Variants in DDX23 observed in about 807,000 individuals in gnomAD.
DDX23 encodes the protein probable ATP-dependent RNA helicase DDX23.
Under a neutral mutation model 102.7 loss-of-function variants are expected in DDX23, and 33 were observed. The observed-to-expected ratio is 0.32, with a 90% confidence interval of 0.24 to 0.43. The LOEUF (loss-of-function observed/expected upper bound fraction) is 0.43, where lower values mean the gene tolerates loss of function less well. Among genes scored for constraint, DDX23 ranks in the 20% least tolerant of loss-of-function variants. The probability of loss-of-function intolerance (pLI) is 1.00; values close to 1 mark genes in which losing one functional copy is unlikely to be tolerated. For missense variants in DDX23, 549 were observed against 1,086.6 expected (o/e 0.51, Z 6.96); for synonymous variants, 352 against 376.0 (o/e 0.94, Z 0.74).
chr12:48,831,455 T>C lies in DDX23; in HGVS notation c.2065-139A>G, dbSNP rs577358066. On this transcript the variant is annotated intron_variant, in intron 15 of 16. Coordinates refer to ENST00000308025, the MANE Select transcript of DDX23 (RefSeq NM_004818.3). ...GAAAGGAAAGGAAACAAGAGAATGA[T>C]TGCAGTGAAAGAAGGAGAGAACAAG... The C allele has an allele frequency of 3.7e-4, 303 of 825,178 alleles. 1 individual carries two copies. In the East Asian group the frequency reaches 3.9e-3, roughly 11 times the overall value. 51.1% of individuals were successfully genotyped at this position (825,178 alleles called of 1,614,324 possible).
rs142298205 is a variant in DDX23, at chr12:48,845,266, C to T, written c.209+308G>A. 3.7e-3 allele frequency among the ~76,000 whole-genome samples: 568 copies of T among 151,740 alleles called. 1 individual carries two copies. Among genetic ancestry groups the T allele is most frequent in the Middle Eastern group, 0.01 (3 of 292 alleles). On this transcript the variant is annotated intron_variant, in intron 2 of 16. Transcript: ENST00000308025. The stretch of plus-strand genomic sequence containing the variant: ...GAGATCGAGACCATCCTGGCTAACA[C>T]GGTGAAACCTCATCTCTACTAAAAA...
chr12:48,844,013 G>C lies in DDX23; in HGVS notation c.247C>G (p.Arg83Gly). 6.2e-7 allele frequency: 1 copy of C among 1,613,910 alleles called. No homozygotes were observed. The highest frequency in any genetic ancestry group is 1.1e-5 in the South Asian group (1 of 91,060). Residue 83 changes from arginine (R) to glycine (G), a missense_variant, in exon 3 of 17, where the codon CGG becomes GGG. Physicochemically the swap from Arg to Gly is moderately radical, Grantham distance 125. This residue lies in a region of DDX23 where 241 missense variants were observed against 267.0 expected (regional missense o/e 0.90). Coordinates refer to ENST00000308025, the MANE Select transcript of DDX23 (RefSeq NM_004818.3). ...RHKERERDKE[R>G]DRNKKDRDRD... ...TCTCGGTCCTTCTTATTCCGATCCC[G>C]CTCCTTATCTCGTTCTCGTTCTTTG...
At chr12:48,848,478 A>G (rs1408414660) in intron 1 of DDX23, among the ~76,000 whole-genome samples, 4 of 152,216 alleles carry the variant, frequency 2.6e-5, no homozygotes, top group African/African-American at 9.6e-5. Flanking sequence ...GTTGACATTT[A>G]AGCTGAGACT....
chr12:48,832,904 C>T lies in DDX23; in HGVS notation c.1804-331G>A. 1 of 451,992 alleles carries T rather than the reference C, an allele frequency of 2.2e-6. No individual in the cohort carries two copies. The highest frequency in any genetic ancestry group is 4.0e-6 in the Non-Finnish European group (1 of 250,732). 28.0% of individuals were successfully genotyped at this position (451,992 alleles called of 1,614,324 possible). A position where few individuals can be genotyped will look rare whatever the true frequency, so the allele number is the denominator to read the frequency against. On this transcript the variant is annotated intron_variant, in intron 13 of 16. Coordinates refer to ENST00000308025, the MANE Select transcript of DDX23 (RefSeq NM_004818.3). This position sits in a 1 kb window ranked among gnomAD's most constrained non-coding sequence, Gnocchi z 4.4. The stretch of plus-strand genomic sequence containing the variant: ...GGACTGTCAGAGGACTGTACCTAGG[C>T]ACACTTCATTCTAGAAACATGTACT...
intron 2 of DDX23, 69 bp from the exon 3 acceptor site, chr12:48,844,119 A>G: frequency 7.0e-7 from 1 of 1,422,726 alleles, no homozygotes; most frequent in Admixed American, 1.7e-5. Flanking sequence ...CAGCCCTGAG[A>G]AAGTTCCTAT....
At chr12:48,848,513 A>C (rs1938706483) in intron 1 of DDX23, among the ~76,000 whole-genome samples, 1 of 152,160 alleles carries the variant, frequency 6.6e-6, no homozygotes, top group Non-Finnish European at 1.5e-5. Context: ...GAGGGCCATG[A>C]AAAGATCAGG....
intron 1 of DDX23, among the ~76,000 whole-genome samples, chr12:48,847,524 AAAAG>A (rs1241906004): frequency 2.0e-5 from 3 of 151,872 alleles, no homozygotes; most frequent in Admixed American, 6.6e-5. Context: ...AAAAAAAAAA[AAAAG>A]AAAGAAATAC....
chr12:48,845,342 G>A (rs1238467096), intron 2 of DDX23, among the ~76,000 whole-genome samples: 1 of 151,802 alleles, frequency 6.6e-6, no homozygotes, highest in South Asian at 2.1e-4. Context: ...TCCCAGCTAC[G>A]CACTCAGGAG....
rs1244045127 is a variant in DDX23 at position 48,833,574 on chromosome 12, C to T, written c.1561-55G>A. 1.5e-5 allele frequency: 23 copies of T among 1,583,220 alleles called. No individual in the cohort carries two copies. The Admixed American group carries it at 3.4e-4, about 24-fold the overall frequency. ...CCAGCAGGTGCCCCTTCTTTTCTTTCCTGTGAACTATCCACCCACTTGGGT... is the reference window on the plus strand; with the variant it reads ...CCAGCAGGTGCCCCTTCTTTTCTTTTCTGTGAACTATCCACCCACTTGGGT... On this transcript the variant is annotated intron_variant, in intron 12 of 16. Coordinates refer to ENST00000308025, the MANE Select transcript of DDX23 (RefSeq NM_004818.3).
chr12:48,837,744 A>C, intron 6 of DDX23, 87 bp from the exon 7 acceptor site: 1 of 1,566,222 alleles, frequency 6.4e-7, no homozygotes, highest in Admixed American at 2.0e-5. Context: ...AGGAACCCCA[A>C]ATGAAGAAAA....
At chr12:48,848,136 A>T (rs910592595) in intron 1 of DDX23, among the ~76,000 whole-genome samples, 1 of 151,962 alleles carries the variant, frequency 6.6e-6, no homozygotes, top group African/African-American at 2.4e-5. Context: ...ATACAAAAAA[A>T]TTAGCCGGGC....
At chr12:48,846,536 G>T (rs115713921) in intron 1 of DDX23, among the ~76,000 whole-genome samples, 1 of 152,098 alleles carries the variant, frequency 6.6e-6, no homozygotes, top group Non-Finnish European at 1.5e-5. Flanking sequence ...TCTGGATTAC[G>T]TTATAATTAG....
intron 8 of DDX23, 56 bp from the exon 9 acceptor site, chr12:48,837,093 G>C (rs894861791): frequency 2.1e-5 from 34 of 1,608,958 alleles, no homozygotes; most frequent in Non-Finnish European, 2.7e-5. Flanking sequence ...GCAGTAGGAA[G>C]GAAGGGCAGA....
intron 5 of DDX23, among the ~76,000 whole-genome samples, chr12:48,838,415 T>C (rs1051438508): frequency 6.6e-6 from 1 of 151,998 alleles, no homozygotes; most frequent in African/African-American, 2.4e-5. Context: ...CCAGACATGA[T>C]GGCATGTGCA....
intron 6 of DDX23, 62 bp from the exon 7 acceptor site, chr12:48,837,719 G>A (rs149871594): frequency 1.3e-6 from 2 of 1,599,232 alleles, no homozygotes; most frequent in African/African-American, 1.4e-5. Flanking sequence ...AGAGGGAATG[G>A]AGGGAATCCA....
chr12:48,843,168 C>T (rs1182284326), intron 3 of DDX23, among the ~76,000 whole-genome samples: 4 of 149,846 alleles, frequency 2.7e-5, no homozygotes, highest in African/African-American at 7.4e-5. Flanking sequence ...TGCGGAAGGC[C>T]GCAGGGTCCT....
At chr12:48,850,837 T>C (rs1217988660) in intron 1 of DDX23, among the ~76,000 whole-genome samples, 3 of 152,188 alleles carry the variant, frequency 2.0e-5, no homozygotes, top group Admixed American at 2.0e-4. Context: ...ATTGGTGACC[T>C]TGACAAGAGC....
chr12:48,843,631 C>A (rs1938612008), intron 3 of DDX23, among the ~76,000 whole-genome samples: 1 of 148,732 alleles, frequency 6.7e-6, no homozygotes, highest in Non-Finnish European at 1.5e-5. Flanking sequence ...TCACTGCAGG[C>A]TCCGCCTCCC....
chr12:48,850,161 G>A (rs893133899), intron 1 of DDX23, among the ~76,000 whole-genome samples: 1 of 152,204 alleles, frequency 6.6e-6, no homozygotes, highest in Non-Finnish European at 1.5e-5. Context: ...GGTACTCTAG[G>A]CAAGAGATGG....
Sources: allele counts gnomAD v4.1 joint callset (sites outside exome capture counted in the v4.1 genomes callset), GRCh38; gene constraint gnomAD v4.1.1; regional missense constraint gnomAD v4.1.1; non-coding constraint Gnocchi (gnomAD v3.1); transcripts MANE v1.5; gene names NCBI Gene and HGNC (gene_info 2026-07-23, HGNC 2026-07-21).